IL1RL1: variants seen among roughly 807,000 people sequenced by gnomAD.
The protein encoded by IL1RL1 is interleukin-1 receptor-like 1.
Under a neutral mutation model 50.9 loss-of-function variants are expected in IL1RL1, and 32 were observed. The ratio of observed to expected loss-of-function variants is 0.63; its 90% CI spans 0.47 to 0.84. The LOEUF (loss-of-function observed/expected upper bound fraction) is 0.84, where lower values mean the gene tolerates loss of function less well. Ranked by LOEUF, IL1RL1 falls within the 40% of genes least tolerant of loss-of-function variation. IL1RL1 has a pLI of 0.00. For missense variants in IL1RL1, 773 were observed against 662.9 expected, an observed-to-expected ratio of 1.17 and a Z score of -1.82; for synonymous variants, 275 against 236.0, an observed-to-expected ratio of 1.17 and a Z score of -1.51.
At chr2:102,322,128 AGAG>A (rs1676854401) in intron 1 of IL1RL1, among the ~76,000 whole-genome samples, 3 of 152,180 alleles carry the variant, frequency 2.0e-5, no homozygotes, top group African/African-American at 7.2e-5. Flanking sequence ...AATTCAGATA[AGAG>A]TTGGTGTTGT....
intron 5 of IL1RL1, among the ~76,000 whole-genome samples, chr2:102,341,819 G>A (rs1021932243): frequency 1.3e-5 from 2 of 152,276 alleles, no homozygotes; most frequent in Admixed American, 1.3e-4. Context: ...GTGGAGAACT[G>A]CGAGCAAATC....
In IL1RL1 at chr2:102,340,650, GA is replaced by G. The variant is rs776805401; in HGVS notation, c.448-14del. On this transcript the variant is annotated splice_polypyrimidine_tract_variant and intron_variant, in intron 4 of 10. Coordinates refer to ENST00000233954, the MANE Select transcript of IL1RL1 (RefSeq NM_016232.5). The stretch of plus-strand genomic sequence containing the variant: ...GTGAAGAATTACTGAGAAGGAAATG[GA>G]ATTTCTTATTTCAGAATTGTCAGGC... The G allele has an allele frequency of 1.3e-6, 2 of 1,577,490 alleles. No individual in the cohort carries two copies. Among genetic ancestry groups the G allele is most frequent in the Admixed American group, 4.1e-5 (2 of 48,470 alleles).
rs1020789624 is a variant in IL1RL1 at position 102,340,745 on chromosome 2, C to T, written c.527C>T (p.Ala176Val). 1 of 1,599,160 alleles carries T rather than the reference C, an allele frequency of 6.3e-7. No individual in the cohort carries two copies. The highest frequency in any genetic ancestry group is 2.3e-5 in the East Asian group (1 of 43,750). ...ATTGATAATGTGATGACTGAGGACG[C>T]AGGTGATTACACCTGTAAATTTATA... is the stretch of plus-strand genomic sequence containing the variant. Reference protein sequence around the residue: ...LVIDNVMTEDAGDYTCKFIHN... With the variant: ...LVIDNVMTEDVGDYTCKFIHN... Residue 176 changes from alanine to valine, a missense_variant, in exon 5 of 11, where the codon GCA becomes GTA. Physicochemically the swap from Ala to Val is moderately conservative, Grantham distance 64. Transcript: ENST00000233954.
chr2:102,323,968 A>G (rs539962812), intron 1 of IL1RL1, among the ~76,000 whole-genome samples: 2 of 151,220 alleles, frequency 1.3e-5, no homozygotes, highest in East Asian at 1.9e-4. Flanking sequence ...TTCTTTTAAA[A>G]CTGGCTTCTT....
At chr2:102,331,943 A>C (rs573722206) in intron 1 of IL1RL1, among the ~76,000 whole-genome samples, 4 of 151,956 alleles carry the variant, frequency 2.6e-5, no homozygotes, top group African/African-American at 9.7e-5. Flanking sequence ...TGATGTGTGC[A>C]TGTAGTCCCA....
chr2:102,331,934 G>A (rs1339553839), intron 1 of IL1RL1, among the ~76,000 whole-genome samples: 1 of 152,118 alleles, frequency 6.6e-6, no homozygotes, highest in East Asian at 1.9e-4. Context: ...TGGGCATGGT[G>A]ATGTGTGCAT....
rs1229836279 is a variant in IL1RL1, at chr2:102,351,611, A to C, written c.1361A>C (p.His454Pro). Residue 454 changes from histidine (H) to proline (P), a missense_variant, in exon 11 of 11, where the codon CAC (histidine) becomes CCC (proline). Physicochemically the swap from His to Pro is moderately conservative, Grantham distance 77. Coordinates refer to ENST00000233954, the MANE Select transcript of IL1RL1 (RefSeq NM_016232.5). ...TTCATCCTGACCCCTCAGATCACTC[A>C]CAATAAGGAGTTTGCCTACGAGCAG... ...HIFILTPQIT[H>P]NKEFAYEQEV... is the part of the protein sequence containing the mutation. The C allele has an allele frequency of 1.2e-6, 2 of 1,613,994 alleles. No individual in the cohort carries two copies. Among genetic ancestry groups the C allele is most frequent in the Non-Finnish European group, 1.7e-6 (2 of 1,179,994 alleles).
chr2:102,339,258 T>A (rs1677451670), intron 3 of IL1RL1: 2 of 508,568 alleles, frequency 3.9e-6, no homozygotes, highest in Non-Finnish European at 7.0e-6. Flanking sequence ...GATTTACAGT[T>A]GCAGGGATTG....
At chr2:102,317,593 C>T (rs1676714936) in intron 1 of IL1RL1, among the ~76,000 whole-genome samples, 1 of 151,946 alleles carries the variant, frequency 6.6e-6, no homozygotes, top group African/African-American at 2.4e-5. Context: ...TGAGAACAAA[C>T]TCAATATGTC....
rs757778980 is a variant in IL1RL1 at position 102,338,971 on chromosome 2, T to C, written c.196T>C (p.Phe66Leu). The change falls in exon 3 of 11, where the codon TTT becomes CTT. Residue 66 changes from phenylalanine to leucine, a missense_variant. Phe to Leu is a conservative substitution (Grantham distance 22). Coordinates refer to ENST00000233954, the MANE Select transcript of IL1RL1 (RefSeq NM_016232.5). ...TCCCACTCAGGAAAGAAATCGTGTG[T>C]TTGCCTCAGGCCAACTTCTGAAGTT... ...SIPTQERNRV[F>L]ASGQLLKFLP... is the part of the protein sequence containing the mutation. 2.8e-5 allele frequency: 45 copies of C among 1,613,932 alleles called. No individual in the cohort carries two copies. In the Admixed American group the frequency reaches 7.2e-4, roughly 26 times the overall value.
At chr2:102,351,069 G>A (rs766293880) in intron 10 of IL1RL1, among the ~76,000 whole-genome samples, 3 of 152,156 alleles carry the variant, frequency 2.0e-5, no homozygotes, top group Non-Finnish European at 4.4e-5. Flanking sequence ...GTAAAGTCAG[G>A]ACTTACTTTC....
At chr2:102,311,892 ATATAT>A (rs1676491964) in intron 1 of IL1RL1, among the ~76,000 whole-genome samples, 1 of 23,686 alleles carries the variant, frequency 4.2e-5, no homozygotes, top group South Asian at 7.5e-4. Context: ...ATAATATATA[ATATAT>A]CATATATGTT....
At chr2:102,341,174 T>TA in intron 5 of IL1RL1, 1 of 1,105,606 alleles carries the variant, frequency 9.0e-7, no homozygotes, top group Non-Finnish European at 1.1e-6. Flanking sequence ...CCAGCTTTTT[T>TA]TTTTTTTTTC....
At chr2:102,346,109 T>C in intron 8 of IL1RL1, 1 of 939,314 alleles carries the variant, frequency 1.1e-6, no homozygotes, top group Non-Finnish European at 1.3e-6. Context: ...TATTGAGTTG[T>C]CATGATGAAT....
intron 2 of IL1RL1, 72 bp from the exon 3 acceptor site, chr2:102,338,765 T>C (rs1573150163): frequency 8.5e-7 from 1 of 1,171,538 alleles, no homozygotes; most frequent in Non-Finnish European, 1.2e-6. Flanking sequence ...TAGAAGAAAA[T>C]ATTGAGAGTA....
intron 1 of IL1RL1, among the ~76,000 whole-genome samples, chr2:102,334,074 T>C (rs1207549119): frequency 2.6e-5 from 4 of 152,200 alleles, no homozygotes; most frequent in Admixed American, 2.6e-4. Flanking sequence ...GTCTTTTTTA[T>C]ACACTAATTT....
At position 102,351,784 on chromosome 2, in the gene IL1RL1, T is replaced by A. The variant is rs1404323308; in HGVS notation, c.1534T>A (p.Trp512Arg). The change falls in exon 11 of 11, where the codon TGG (tryptophan) becomes AGG (arginine). Residue 512 changes from tryptophan to arginine, a missense_variant. Trp to Arg is a moderately radical substitution (Grantham distance 101). Transcript: ENST00000233954. ...HLMKVQGTIK[W>R]REDHIANKRS... ...TATGAAAGTACAGGGGACCATCAAGTGGAGGGAGGACCACATTGCCAATAA... is the reference window on the plus strand; with the variant it reads ...TATGAAAGTACAGGGGACCATCAAGAGGAGGGAGGACCACATTGCCAATAA... 6.2e-7 allele frequency: 1 copy of A among 1,613,878 alleles called. No homozygotes were observed.
At chr2:102,314,545 A>G (rs1676618059) in intron 1 of IL1RL1, among the ~76,000 whole-genome samples, 1 of 152,194 alleles carries the variant, frequency 6.6e-6, no homozygotes, top group Non-Finnish European at 1.5e-5. Context: ...ACAACTGCAG[A>G]TCCTATCTAA....
At position 102,342,311 on chromosome 2, in the gene IL1RL1, G is replaced by T. The variant is rs746062137; in HGVS notation, c.682+17G>T. Reference sequence around the variant, plus strand: ...TGGAAATTGGTAAGAAAATTTATCAGAATGCTGTAAATATTGCCTGGAAAA... The same window carrying T: ...TGGAAATTGGTAAGAAAATTTATCATAATGCTGTAAATATTGCCTGGAAAA... On this transcript the variant is annotated intron_variant, in intron 6 of 10. Transcript: ENST00000233954. 5.1e-6 allele frequency: 8 copies of T among 1,557,806 alleles called. No homozygotes were observed. In the South Asian group the frequency reaches 8.9e-5, roughly 17 times the overall value.
Sources: gnomAD v4.1 joint callset for allele counts (sites outside exome capture counted in the v4.1 genomes callset) on GRCh38, gnomAD v4.1.1 for gene constraint, MANE v1.5 for transcripts, NCBI Gene and HGNC (gene_info 2026-07-23, HGNC 2026-07-21) for gene names.